Variants in RNF123 observed in about 807,000 individuals in gnomAD.
RNF123 encodes the protein ring finger protein 123.
A neutral mutation model predicts 168.5 loss-of-function variants in RNF123; 86 were observed. That is an observed-to-expected ratio of 0.51 (90% CI 0.43 to 0.61). The LOEUF (loss-of-function observed/expected upper bound fraction) is 0.61. Among genes scored for constraint, RNF123 ranks in the 20% least tolerant of loss-of-function variants. The probability of loss-of-function intolerance (pLI) is 0.00; values close to 1 mark genes in which losing one functional copy is unlikely to be tolerated. For missense variants in RNF123, 1,419 were observed against 1,729.7 expected (o/e 0.82, Z 3.19); for synonymous variants, 666 against 689.1 (o/e 0.97, Z 0.52).
In RNF123 at chr3:49,721,318, G is replaced by A. The variant is rs752265029; in HGVS notation, c.*13G>A. 6.2e-7 allele frequency: 1 copy of A among 1,614,146 alleles called. No homozygotes were observed. Among genetic ancestry groups the A allele is most frequent in the South Asian group, 1.1e-5 (1 of 91,082 alleles). On this transcript the variant is annotated 3_prime_UTR_variant, in exon 39 of 39. Transcript: ENST00000327697. ...CTCAGCTGCCTAGCCCTCACAGCCT[G>A]TGCCATCCTGGAACCTCCACCTTTG...
intron 3 of RNF123, among the ~76,000 whole-genome samples, chr3:49,694,979 G>A (rs2054239109): frequency 6.6e-6 from 1 of 152,220 alleles, no homozygotes; most frequent in Non-Finnish European, 1.5e-5. Context: ...GAAGTTGCTG[G>A]TCTTGGCCAA....
intron 35 of RNF123, chr3:49,717,800 G>T (rs2080277119): frequency 1.8e-5 from 15 of 827,490 alleles, no homozygotes; most frequent in Non-Finnish European, 2.6e-5. Flanking sequence ...ACCAGTGAGC[G>T]AGAAGGCCCA....
At chr3:49,704,523 AC>A in intron 21 of RNF123, 126 bp from the exon 22 acceptor site, 1 of 707,134 alleles carries the variant, frequency 1.4e-6, no homozygotes, top group Non-Finnish European at 2.4e-6. Flanking sequence ...AGGGGCAGAT[AC>A]GGTGCTAAAC....
At chr3:49,709,002 C>G (rs1311368024) in intron 26 of RNF123, among the ~76,000 whole-genome samples, 2 of 152,166 alleles carry the variant, frequency 1.3e-5, no homozygotes, top group Non-Finnish European at 1.5e-5. Context: ...GAGTCTCACT[C>G]TGTCACCCAG....
chr3:49,718,148 G>T, intron 35 of RNF123: 1 of 1,613,266 alleles, frequency 6.2e-7, no homozygotes, highest in Non-Finnish European at 8.5e-7. Context: ...GCGTCTGGCG[G>T]TGTGGTGCTG....
Position 49,713,741 on chromosome 3 carries a change from T to C in RNF123, c.2753T>C (p.Ile918Thr). The part of the protein sequence containing the change: ...FADARIVGTD[I>T]RDSLMQALAS... ...GAGGCACGGTGTGTCCCCGCAGACA[T>C]CCGAGACTCACTGATGCAGGCCCTG... is the stretch of plus-strand genomic sequence containing the variant. Residue 918 changes from isoleucine (I) to threonine (T), a missense_variant, in exon 29 of 39, where the codon ATC becomes ACC. Ile to Thr is a moderately conservative substitution (Grantham distance 89). Transcript: ENST00000327697. 6.2e-7 allele frequency: 1 copy of C among 1,600,266 alleles called. No homozygotes were observed. The highest frequency in any genetic ancestry group is 1.1e-5 in the South Asian group (1 of 89,322).
intron 38 of RNF123, 22 bp from the exon 39 acceptor site, chr3:49,721,163 C>T: frequency 6.2e-7 from 1 of 1,614,168 alleles, no homozygotes; most frequent in Non-Finnish European, 8.5e-7. Flanking sequence ...CAGGGCAGTC[C>T]TCATCCCCTC....
Position 49,699,524 on chromosome 3 carries a change from G to A in RNF123, c.821G>A (p.Arg274Gln), listed in dbSNP as rs773392765. The change falls in exon 11 of 39, where the codon CGG becomes CAG. Residue 274 changes from arginine (R) to glutamine (Q), a missense_variant. By Grantham distance (43) the Arg-to-Gln change is conservative. Around this residue, in one of 5 missense-constraint regions of RNF123, gnomAD observed 318 missense variants for 446.6 expected, o/e 0.71. Transcript: ENST00000327697. The surrounding 1 kb of genome is among the most constrained non-coding windows in gnomAD (Gnocchi z 4.8). ...LQDPPSADLV[R>Q]AQRLLGCFRA... Reference sequence around the variant, plus strand: ...GACCCACCGAGTGCTGACCTGGTGCGGGCACAGAGGTTGCTGGGCTGCTTC... The same window carrying A: ...GACCCACCGAGTGCTGACCTGGTGCAGGCACAGAGGTTGCTGGGCTGCTTC... 2.0e-5 allele frequency: 33 copies of A among 1,612,570 alleles called. No individual in the cohort carries two copies. The highest frequency in any genetic ancestry group is 3.3e-5 in the South Asian group (3 of 90,948).
Position 49,713,839 on chromosome 3 carries a change from G to T in RNF123, c.2837+14G>T. The T allele has an allele frequency of 6.2e-7, 1 of 1,612,894 alleles. No homozygotes were observed. The highest frequency in any genetic ancestry group is 8.5e-7 in the Non-Finnish European group (1 of 1,179,674). ...CCCCGAGGAGCAGTGAGTGGGGCCT[G>T]GGGGGCACACACCCTGGCCACAAGC... On this transcript the variant is annotated intron_variant, in intron 29 of 38. Coordinates refer to ENST00000327697, the MANE Select transcript of RNF123 (RefSeq NM_022064.5).
chr3:49,703,495 G>T lies in RNF123; in HGVS notation c.1819G>T (p.Gly607Cys). Residue 607 changes from glycine to cysteine, a missense_variant, in exon 21 of 39, where the codon GGC becomes TGC. By Grantham distance (159) the Gly-to-Cys change is radical. This residue lies in a region of RNF123 where 349 missense variants were observed against 344.9 expected (regional missense o/e 1.01). Transcript: ENST00000327697. ...CTACTTTGACCTGCAGCGCCTGGGG[G>T]GCCTCCTCTCGCACCTGCGGAAGAC... ...VDYFDLQRLG[G>C]LLSHLRKTLK... 3 of 1,614,116 alleles carry T rather than the reference G, an allele frequency of 1.9e-6. No homozygotes were observed. In the African/African-American group the frequency reaches 4.0e-5, roughly 22 times the overall value.
In RNF123 at chr3:49,698,834, A is replaced by G. The variant is rs760775520; in HGVS notation, c.638+12A>G. 12 of 1,613,734 alleles carry G rather than the reference A, an allele frequency of 7.4e-6. No individual in the cohort carries two copies. The highest frequency in any genetic ancestry group is 4.4e-5 in the South Asian group (4 of 91,062). ...CTGTCCTTCTGCCTGTGAGTTTCCT[A>G]TCTCTATGCACAGGCCTGGCCCCTG... On this transcript the variant is annotated intron_variant, in intron 9 of 38. Transcript: ENST00000327697.
rs947013058 is a variant in RNF123 at position 49,705,853 on chromosome 3, G to C, written c.2305-129G>C. The C allele has an allele frequency of 4.2e-6, 6 of 1,433,428 alleles. No homozygotes were observed. The Admixed American group carries it at 1.1e-4, about 26-fold the overall frequency. 88.8% of individuals were successfully genotyped at this position (1,433,428 alleles called of 1,614,324 possible). ...GCTGCCTCAGTCTGACCTGCTGACT[G>C]TTGTGGGAATGGGACCGCCCTGGGC... On this transcript the variant is annotated intron_variant, in intron 24 of 38. Transcript: ENST00000327697.
At chr3:49,718,710 C>A (rs2108204738) in intron 35 of RNF123, 1 of 1,613,004 alleles carries the variant, frequency 6.2e-7, no homozygotes, top group East Asian at 2.2e-5. Context: ...CCTTGAAGGC[C>A]AAGCATACGT....
intron 3 of RNF123, among the ~76,000 whole-genome samples, chr3:49,695,289 A>G (rs1575519653): frequency 6.6e-6 from 1 of 151,802 alleles, no homozygotes. Context: ...TTTAAGAGAC[A>G]GGGTCTTACT....
intron 9 of RNF123, 57 bp from the exon 10 acceptor site, chr3:49,698,923 C>G: frequency 1.2e-6 from 2 of 1,608,264 alleles, no homozygotes; most frequent in Non-Finnish European, 1.7e-6. Context: ...GTTTGATAGC[C>G]TGAGGGTGGG....
chr3:49,698,648 G>A, intron 8 of RNF123, 107 bp from the exon 9 acceptor site: 1 of 1,536,920 alleles, frequency 6.5e-7, no homozygotes, highest in Non-Finnish European at 8.9e-7. Flanking sequence ...CAGGTCCTTT[G>A]TCCTTGTGGC....
chr3:49,713,055 G>T, intron 27 of RNF123: 1 of 640,828 alleles, frequency 1.6e-6, no homozygotes. Flanking sequence ...ACAGCAGGGG[G>T]TGGACCCTGC....
rs762549698 is a variant in RNF123, at chr3:49,705,632, G to A, written c.2257G>A (p.Gly753Arg). Residue 753 changes from glycine (G) to arginine (R), a missense_variant, in exon 24 of 39, where the codon GGG (glycine) becomes AGG (arginine). This residue lies in a region of RNF123 where 538 missense variants were observed against 708.8 expected (regional missense o/e 0.76). Coordinates refer to ENST00000327697, the MANE Select transcript of RNF123 (RefSeq NM_022064.5). ...GAACTCGCTGCTGGAAGTCCTGGAT[G>A]GGGCGGTCATGATGTACAACCTCAG... is the stretch of plus-strand genomic sequence containing the variant. Reference protein sequence around the residue: ...TENSLLEVLDGAVMMYNLSVH... With the variant: ...TENSLLEVLDRAVMMYNLSVH... 1.9e-6 allele frequency: 3 copies of A among 1,614,216 alleles called. No individual in the cohort carries two copies. The highest frequency in any genetic ancestry group is 2.2e-5 in the South Asian group (2 of 91,080).
At chr3:49,712,754 C>A in intron 27 of RNF123, 98 bp downstream of exon 27, 1 of 1,399,138 alleles carries the variant, frequency 7.1e-7, no homozygotes. Context: ...CAGCAACACA[C>A]TTCTGTGGGG....
Sources: allele counts gnomAD v4.1 joint callset (sites outside exome capture counted in the v4.1 genomes callset), GRCh38; gene constraint gnomAD v4.1.1; regional missense constraint gnomAD v4.1.1; non-coding constraint Gnocchi (gnomAD v3.1); transcripts MANE v1.5; gene names NCBI Gene and HGNC (gene_info 2026-07-23, HGNC 2026-07-21).